Variants in SENP7 observed in about 807,000 individuals in gnomAD.
SENP7 encodes sentrin-specific protease 7.
Under a neutral mutation model 141.2 loss-of-function variants are expected in SENP7, and 64 were observed. The observed-to-expected ratio is 0.45, with a 90% CI of 0.37 to 0.56. The LOEUF is 0.56. Ranked by LOEUF, SENP7 falls within the 20% of genes least tolerant of loss-of-function variation. The pLI is 0.00. For synonymous variants in SENP7, 382 were observed against 426.4 expected (o/e 0.90, Z 1.28); for missense variants, 1,025 against 1,212.2 (o/e 0.85, Z 2.29).
chr3:101,365,987 G>T (rs561305120), intron 9 of SENP7, among the ~76,000 whole-genome samples: 1 of 152,242 alleles, frequency 6.6e-6, no homozygotes, highest in East Asian at 1.9e-4. Context: ...GGGAAGATGT[G>T]GGCGAGTATT....
rs1016468184 is a variant in SENP7, at chr3:101,341,504, C to T, written c.2240+142G>A. On this transcript the variant is annotated intron_variant, in intron 15 of 23. Transcript: ENST00000394095. ...AAATTTTTTAACTTCCTCATAATTT[C>T]TTTAAAAAAACCTATTTCCATTACT... 2.3e-5 allele frequency: 16 copies of T among 696,562 alleles called. No homozygotes were observed. In the Admixed American group the frequency reaches 5.5e-4, roughly 24 times the overall value. The allele number at this position is 696,562 out of a possible 1,614,324, so 43.1% of individuals were successfully genotyped here.
intron 6 of SENP7, among the ~76,000 whole-genome samples, chr3:101,392,484 T>C (rs910673549): frequency 6.6e-5 from 10 of 152,116 alleles, no homozygotes; most frequent in African/African-American, 2.4e-4. Context: ...AATTTAACCA[T>C]AGAGTTGAAA....
chr3:101,451,501 A>G lies in SENP7; in HGVS notation c.284+7454T>C, dbSNP rs1009091079. Among the ~76,000 whole-genome samples, 10 of 152,244 alleles carry G rather than the reference A, an allele frequency of 6.6e-5. No homozygotes were observed. In the East Asian group the frequency reaches 1.9e-3, roughly 29 times the overall value. ...GCAAACCGAATCCAGCAGCACATCAAGAAGCTTATCCACCATGATCAAGTG... is the reference window on the plus strand; with the variant it reads ...GCAAACCGAATCCAGCAGCACATCAGGAAGCTTATCCACCATGATCAAGTG... On this transcript the variant is annotated intron_variant, in intron 4 of 23. Transcript: ENST00000394095.
intron 11 of SENP7, among the ~76,000 whole-genome samples, chr3:101,352,046 C>T (rs1026933176): frequency 2.0e-4 from 31 of 152,012 alleles, no homozygotes; most frequent in East Asian, 5.8e-4. Flanking sequence ...CAGCAGCTGA[C>T]GATGATTCCC....
Position 101,343,729 on chromosome 3 carries a change from C to T in SENP7, c.2063G>A (p.Gly688Asp), listed in dbSNP as rs1360344249. ...YCVSTCSFPAGVAVAEEMKLK... is the reference protein window; with the variant it reads ...YCVSTCSFPADVAVAEEMKLK... ...CTTCATTTCTTCAGCAACAGCAACA[C>T]CAGCAGGGAAAGAACAAGTTGAAAC... The change falls in exon 14 of 24, where the codon GGT becomes GAT. Residue 688 changes from glycine (G) to aspartate (D), a missense_variant. Around this residue, in one of 4 missense-constraint regions of SENP7, gnomAD observed 295 missense variants for 459.1 expected, o/e 0.64. Coordinates refer to ENST00000394095, the MANE Select transcript of SENP7 (RefSeq NM_020654.5). The T allele has an allele frequency of 6.2e-7, 1 of 1,613,302 alleles. No individual in the cohort carries two copies. The highest frequency in any genetic ancestry group is 8.5e-7 in the Non-Finnish European group (1 of 1,179,644).
intron 4 of SENP7, among the ~76,000 whole-genome samples, chr3:101,440,753 A>C (rs2062636985): frequency 6.6e-6 from 1 of 152,266 alleles, no homozygotes; most frequent in Non-Finnish European, 1.5e-5. Flanking sequence ...TCTCGTATAC[A>C]AACATAAACA....
intron 3 of SENP7, among the ~76,000 whole-genome samples, chr3:101,474,313 C>T (rs1576463540): frequency 6.6e-6 from 1 of 152,298 alleles, no homozygotes; most frequent in East Asian, 1.9e-4. Flanking sequence ...TTGATTGTTC[C>T]TATCCATGAG....
At chr3:101,373,879 C>T (rs2060247225) in intron 6 of SENP7, among the ~76,000 whole-genome samples, 1 of 152,128 alleles carries the variant, frequency 6.6e-6, no homozygotes, top group African/African-American at 2.4e-5. Context: ...CTGTTAGCTT[C>T]CATCCTCTTA....
At chr3:101,463,367 AT>A (rs1163988522) in intron 3 of SENP7, among the ~76,000 whole-genome samples, 2,227 of 63,758 alleles carry the variant, frequency 0.035, 88 homozygotes, top group African/African-American at 0.11. Context: ...ATAAATAAAT[AT>A]ATATATATAT....
intron 3 of SENP7, among the ~76,000 whole-genome samples, chr3:101,487,401 A>AT (rs2064775509): frequency 6.6e-6 from 1 of 152,036 alleles, no homozygotes; most frequent in Admixed American, 6.6e-5. Context: ...GTTTGTGAAT[A>AT]TTTTCTCCCA....
rs1299805772 is a variant in SENP7, at chr3:101,324,207, G to C, written c.*1736C>G. On this transcript the variant is annotated 3_prime_UTR_variant, in exon 24 of 24. Coordinates refer to ENST00000394095, the MANE Select transcript of SENP7 (RefSeq NM_020654.5). ...TCAATTTCATGATATACACAGAGCA[G>C]CATACAACTGGAAATTTATTTCTAA... The C allele has an allele frequency of 6.6e-6, 1 of 151,892 alleles. No homozygotes were observed. Among genetic ancestry groups the C allele is most frequent in the East Asian group, 1.9e-4 (1 of 5,186 alleles). The allele number at this position is 151,892 out of a possible 1,614,324, so 9.4% of individuals were successfully genotyped here. A position where few individuals can be genotyped will look rare whatever the true frequency, so the allele number is the denominator to read the frequency against.
At chr3:101,440,696 A>G (rs1304437191) in intron 4 of SENP7, among the ~76,000 whole-genome samples, 1 of 152,092 alleles carries the variant, frequency 6.6e-6, no homozygotes, top group Non-Finnish European at 1.5e-5. Flanking sequence ...CTAATACCAA[A>G]ACCAGAAAAA....
rs116665594 is a variant in SENP7, at chr3:101,348,147, T to A, written c.1658-96A>T. The A allele has an allele frequency of 3.5e-3, 2,666 of 756,904 alleles. 49 individuals are homozygous for A. The African/African-American group carries it at 0.045, about 13-fold the overall frequency. The allele number at this position is 756,904 out of a possible 1,614,324, so 46.9% of individuals were successfully genotyped here. On this transcript the variant is annotated intron_variant, in intron 12 of 23. Coordinates refer to ENST00000394095, the MANE Select transcript of SENP7 (RefSeq NM_020654.5). ...ACACTTGTTAATACACTACTTTTTT[T>A]AAAAAAAAGAGAATTATATAGTTTT...
intron 6 of SENP7, 85 bp from the exon 7 acceptor site, chr3:101,372,211 C>T: frequency 1.6e-6 from 1 of 612,052 alleles, no homozygotes; most frequent in Non-Finnish European, 2.7e-6. Flanking sequence ...AAAAATCCAA[C>T]ACATTACAAA....
Position 101,332,024 on chromosome 3 carries a change from A to G in SENP7, c.2659T>C (p.Ser887Pro), listed in dbSNP as rs1362830261. ...TCATTTTGGGACTGCTGAGCCTGGGACTGCTGGGATACAGTTTGTGGAAAA... is the reference window on the plus strand; with the variant it reads ...TCATTTTGGGACTGCTGAGCCTGGGGCTGCTGGGATACAGTTTGTGGAAAA... The part of the protein sequence containing the change: ...EDFPQTVSQQ[S>P]QAQQSQNDNK... Residue 887 changes from serine (S) to proline (P), a missense_variant, in exon 19 of 24, where the codon TCC becomes CCC. This residue lies in a region of SENP7 where 295 missense variants were observed against 459.1 expected (regional missense o/e 0.64). Coordinates refer to ENST00000394095, the MANE Select transcript of SENP7 (RefSeq NM_020654.5). 4 of 1,613,554 alleles carry G rather than the reference A, an allele frequency of 2.5e-6. No homozygotes were observed. In the South Asian group the frequency reaches 3.3e-5, roughly 13 times the overall value.
At chr3:101,508,284 A>C (rs1457745080) in intron 1 of SENP7, among the ~76,000 whole-genome samples, 1 of 152,038 alleles carries the variant, frequency 6.6e-6, no homozygotes, top group Non-Finnish European at 1.5e-5. Flanking sequence ...TCTCCATTTC[A>C]GCAATACGCA....
intron 6 of SENP7, among the ~76,000 whole-genome samples, chr3:101,388,585 T>A (rs2060724686): frequency 6.6e-6 from 1 of 151,588 alleles, no homozygotes; most frequent in African/African-American, 2.4e-5. Flanking sequence ...ATAAGAAACA[T>A]GAAAAAGGAA....
chr3:101,400,977 A>G (rs1026970275), intron 5 of SENP7, among the ~76,000 whole-genome samples: 4 of 152,192 alleles, frequency 2.6e-5, no homozygotes, highest in African/African-American at 9.6e-5. Flanking sequence ...ACATGCCTGT[A>G]GTCCGAGCTA....
chr3:101,375,318 G>T (rs572764732), intron 6 of SENP7, among the ~76,000 whole-genome samples: 1 of 151,714 alleles, frequency 6.6e-6, no homozygotes, highest in Non-Finnish European at 1.5e-5. Flanking sequence ...TGAGGCGGGC[G>T]GATCACCTGA....
Sources: gnomAD v4.1 joint callset for allele counts (sites outside exome capture counted in the v4.1 genomes callset) on GRCh38, gnomAD v4.1.1 for gene constraint, gnomAD v4.1.1 regional missense constraint, MANE v1.5 for transcripts, NCBI Gene and HGNC (gene_info 2026-07-23, HGNC 2026-07-21) for gene names.